The following ERAP1 variants were observed in gnomAD, a reference collection of about 807,000 sequenced individuals.
ERAP1 encodes adipocyte-derived leucine aminopeptidase.
ERAP1 carries 86 observed loss-of-function variants against 103.7 expected under a neutral mutation model. The observed-to-expected ratio is 0.83, with a 90% CI of 0.70 to 0.99. The LOEUF (loss-of-function observed/expected upper bound fraction) is 0.99. Ranked by LOEUF, ERAP1 falls within the 50% of genes least tolerant of loss-of-function variation. ERAP1 has a pLI of 0.00. For missense variants in ERAP1, 1,009 were observed against 1,128.4 expected (o/e 0.89, Z 1.52); for synonymous variants, 398 against 402.4 (o/e 0.99, Z 0.13).
the ERAP1 span, among the ~76,000 whole-genome samples, chr5:96,854,394 C>T: frequency 6.6e-6 from 1 of 152,210 alleles, no homozygotes; most frequent in African/African-American, 2.4e-5. Flanking sequence ...AAATGAATCA[C>T]TTTGAGCAGG....
the ERAP1 span, among the ~76,000 whole-genome samples, chr5:96,837,889 A>G: frequency 6.6e-6 from 1 of 152,174 alleles, no homozygotes; most frequent in Non-Finnish European, 1.5e-5. Context: ...CTTTCCCCAG[A>G]GTCCCGCCAT....
chr5:96,854,502 G>A, the ERAP1 span, among the ~76,000 whole-genome samples: 7 of 151,862 alleles, frequency 4.6e-5, no homozygotes, highest in Non-Finnish European at 7.4e-5. Context: ...TGTCTTATTT[G>A]TTCAAATGCC....
At position 96,774,717 on chromosome 5, in the gene ERAP1, T is replaced by C. The variant is rs868327141; in HGVS notation, c.*1679A>G. The C allele has an allele frequency of 3.1e-6, 3 of 975,816 alleles. No homozygotes were observed. The highest frequency in any genetic ancestry group is 3.5e-5 in the African/African-American group (2 of 56,962). 60.4% of individuals were successfully genotyped at this position (975,816 alleles called of 1,614,324 possible). The stretch of plus-strand genomic sequence containing the variant: ...GTGTATTTTTTTAAAAGAAGGGAAA[T>C]AGTTTAGTTTGGGGTGGAAATTACC... On this transcript the variant is annotated 3_prime_UTR_variant, in exon 19 of 19. Coordinates refer to ENST00000443439, the MANE Select transcript of ERAP1 (RefSeq NM_001040458.3).
At chr5:96,762,384 A>G (rs759675080) in exon 20 of ERAP1, 1 of 1,559,972 alleles carries the variant, frequency 6.4e-7, no homozygotes, top group South Asian at 1.2e-5. Context: ...TAAGCAGCAC[A>G]TCTTATTTGG....
the ERAP1 span, chr5:96,889,375 CTCTT>C: frequency 1.5e-3 from 2,351 of 1,538,294 alleles, 35 homozygotes; most frequent in African/African-American, 0.027. Context: ...TTCCCTCTTT[CTCTT>C]TCTATGTGAT....
At chr5:96,892,591 C>T in the ERAP1 span, 34 of 908,572 alleles carry the variant, frequency 3.7e-5, no homozygotes, top group Middle Eastern at 3.1e-4. Context: ...CCTAACACAA[C>T]GTCAAGTAGC....
At chr5:96,879,537 T>G in the ERAP1 span, 2 of 605,188 alleles carry the variant, frequency 3.3e-6, no homozygotes, top group Non-Finnish European at 2.9e-6. Context: ...TTTTTTGTCA[T>G]GCTATAAGTG....
chr5:96,898,211 A>G, the ERAP1 span, among the ~76,000 whole-genome samples: 39 of 151,992 alleles, frequency 2.6e-4, no homozygotes, highest in African/African-American at 9.2e-4. Flanking sequence ...TAATAATAAT[A>G]ACAATAATTA....
chr5:96,800,129 G>T (rs751152569), intron 3 of ERAP1, among the ~76,000 whole-genome samples: 10 of 152,216 alleles, frequency 6.6e-5, no homozygotes, highest in Non-Finnish European at 1.3e-4. Context: ...GTGCTTCCAG[G>T]AGGTGTTATA....
At chr5:96,914,842 C>A in the ERAP1 span, among the ~76,000 whole-genome samples, 1 of 151,978 alleles carries the variant, frequency 6.6e-6, no homozygotes, top group Non-Finnish European at 1.5e-5. Flanking sequence ...GCAAGAAGTG[C>A]AATACATTAG....
chr5:96,765,853 G>A (rs1769750803), intron 19 of ERAP1, among the ~76,000 whole-genome samples: 1 of 152,092 alleles, frequency 6.6e-6, no homozygotes, highest in Non-Finnish European at 1.5e-5. Flanking sequence ...TTGACATACA[G>A]AAGCATACGG....
the ERAP1 span, chr5:96,896,708 C>A: frequency 6.5e-7 from 1 of 1,547,270 alleles, no homozygotes; most frequent in South Asian, 1.2e-5. Flanking sequence ...TCTCTTTTTT[C>A]AACTCTTTTG....
chr5:96,874,089 G>C, the ERAP1 span, among the ~76,000 whole-genome samples: 1 of 109,174 alleles, frequency 9.2e-6, no homozygotes, highest in African/African-American at 3.5e-5. Flanking sequence ...AAAGAAAAGA[G>C]AAGAGAAAAG....
the ERAP1 span, chr5:96,886,563 G>A: frequency 1.7e-6 from 2 of 1,158,400 alleles, no homozygotes; most frequent in Non-Finnish European, 2.3e-6. Flanking sequence ...CAGAGTATGA[G>A]GCTTGCCTCT....
intron 7 of ERAP1, among the ~76,000 whole-genome samples, chr5:96,792,869 T>TA (rs1288762115): frequency 3.9e-5 from 6 of 152,218 alleles, no homozygotes. Context: ...AAAAAATTTT[T>TA]ACATAAGTTT....
At chr5:96,847,503 T>A in the ERAP1 span, among the ~76,000 whole-genome samples, 12 of 152,068 alleles carry the variant, frequency 7.9e-5, no homozygotes, top group Admixed American at 4.6e-4. Context: ...GAACACTCCA[T>A]CCAACAGCAA....
the ERAP1 span, chr5:96,913,421 A>G: frequency 1.2e-6 from 2 of 1,614,140 alleles, 1 homozygote; most frequent in South Asian, 2.2e-5. Flanking sequence ...CTAGCATGGG[A>G]TTTTGTAAGA....
chr5:96,783,046 C>T lies in ERAP1; in HGVS notation c.2285+5G>A, dbSNP rs1294460518. The T allele has an allele frequency of 3.1e-6, 5 of 1,614,122 alleles. No individual in the cohort carries two copies. Among genetic ancestry groups the T allele is most frequent in the South Asian group, 1.1e-5 (1 of 91,078 alleles). On this transcript the variant is annotated splice_donor_5th_base_variant and intron_variant, in intron 15 of 18. Coordinates refer to ENST00000443439, the MANE Select transcript of ERAP1 (RefSeq NM_001040458.3). ...CAACAAATTGGTTATTTAGTAAGGA[C>T]TGACCTCAAGTTTCCATTGGATTCC...
In ERAP1 at chr5:96,775,488, C is replaced by T; in HGVS notation, c.*908G>A. ...GTTTTCCTACAGACTTGAATGCACT[C>T]TGCTTTTTCAGAAGAGATACTGTAC... On this transcript the variant is annotated 3_prime_UTR_variant, in exon 19 of 19. Transcript: ENST00000443439. The T allele has an allele frequency of 1.0e-6, 1 of 985,242 alleles. No individual in the cohort carries two copies. The highest frequency in any genetic ancestry group is 1.2e-6 in the Non-Finnish European group (1 of 829,880). 61.0% of individuals were successfully genotyped at this position (985,242 alleles called of 1,614,324 possible).
Sources: allele counts gnomAD v4.1 joint callset (sites outside exome capture counted in the v4.1 genomes callset), GRCh38; gene constraint gnomAD v4.1.1; transcripts MANE v1.5; gene names NCBI Gene and HGNC (gene_info 2026-07-23, HGNC 2026-07-21).